The following PTDSS1 variants were observed in gnomAD, a reference collection of about 807,000 sequenced individuals.
PTDSS1 encodes phosphatidylserine synthase 1.
In PTDSS1, 45 loss-of-function variants were observed where a neutral mutation model predicts 70.5. The ratio of observed to expected loss-of-function variants is 0.64; its 90% CI spans 0.50 to 0.82. PTDSS1 has a LOEUF of 0.82. PTDSS1 is among the 40% of genes least tolerant of loss of function. The pLI, the probability that PTDSS1 is intolerant of heterozygous loss-of-function variation, is 0.00. For missense variants in PTDSS1, 417 were observed against 586.1 expected (o/e 0.71, Z 2.98); for synonymous variants, 188 against 203.8 (o/e 0.92, Z 0.66).
At chr8:96,305,130 G>C (rs917650468) in intron 7 of PTDSS1, among the ~76,000 whole-genome samples, 5 of 152,168 alleles carry the variant, frequency 3.3e-5, no homozygotes, top group African/African-American at 4.8e-5. Flanking sequence ...CCAATGTCAC[G>C]GAAAGCAGAA....
At chr8:96,304,510 A>C (rs1485273422) in intron 7 of PTDSS1, among the ~76,000 whole-genome samples, 1 of 152,214 alleles carries the variant, frequency 6.6e-6, no homozygotes, top group Non-Finnish European at 1.5e-5. Context: ...TTCAAGACCA[A>C]AGGAACAAAT....
intron 10 of PTDSS1, among the ~76,000 whole-genome samples, chr8:96,321,721 C>T (rs746979597): frequency 2.6e-5 from 4 of 152,074 alleles, no homozygotes; most frequent in South Asian, 2.1e-4. Flanking sequence ...GTATTTTTAA[C>T]GTGTCTTTTA....
chr8:96,287,336 C>G, intron 4 of PTDSS1, 190 bp downstream of exon 4: 1 of 689,042 alleles, frequency 1.5e-6, no homozygotes, highest in Admixed American at 3.0e-5. Flanking sequence ...AAAGAAAATC[C>G]TCTCATTACG....
intron 9 of PTDSS1, among the ~76,000 whole-genome samples, chr8:96,317,223 C>T (rs556350233): frequency 6.6e-6 from 1 of 152,036 alleles, no homozygotes; most frequent in Non-Finnish European, 1.5e-5. Flanking sequence ...AGCCCTTTCC[C>T]CTGATTCCTG....
intron 7 of PTDSS1, 62 bp downstream of exon 7, chr8:96,304,243 G>C: frequency 1.3e-6 from 2 of 1,520,080 alleles, no homozygotes; most frequent in African/African-American, 1.4e-5. Flanking sequence ...AACTTTTTAG[G>C]AATTTAGAGT....
chr8:96,331,828 C>G (rs1274489891), intron 12 of PTDSS1, among the ~76,000 whole-genome samples: 3 of 151,972 alleles, frequency 2.0e-5, no homozygotes, highest in Admixed American at 6.5e-5. Flanking sequence ...ATGGCAGGAT[C>G]ATTTGAGGCC....
At chr8:96,318,408 G>A (rs772594379) in intron 9 of PTDSS1, among the ~76,000 whole-genome samples, 3 of 152,068 alleles carry the variant, frequency 2.0e-5, no homozygotes, top group South Asian at 4.2e-4. Context: ...TCCGGCTTAT[G>A]GGTAGATAAT....
At chr8:96,330,171 A>G in intron 10 of PTDSS1, 42 bp from the exon 11 acceptor site, 3 of 1,550,424 alleles carry the variant, frequency 1.9e-6, no homozygotes, top group Non-Finnish European at 2.7e-6. Flanking sequence ...GTTCTGGGAA[A>G]TTGAACTTTT....
At chr8:96,277,826 C>T (rs749521155) in intron 2 of PTDSS1, among the ~76,000 whole-genome samples, 18 of 152,140 alleles carry the variant, frequency 1.2e-4, no homozygotes, top group Non-Finnish European at 2.5e-4. Flanking sequence ...ACAAAAAAGA[C>T]CTTTGACTTT....
At position 96,304,028 on chromosome 8, in the gene PTDSS1, C is replaced by G. The variant is rs1811090020; in HGVS notation, c.753-12C>G. ...TCTCTGGATTTTCACTGGAGCCATT[C>G]TCTTCTTACAGGGACATTCATACCA... On this transcript the variant is annotated splice_polypyrimidine_tract_variant and intron_variant, in intron 6 of 12. Transcript: ENST00000517309. The G allele has an allele frequency of 6.3e-7, 1 of 1,597,164 alleles. No individual in the cohort carries two copies. Among genetic ancestry groups the G allele is most frequent in the East Asian group, 2.2e-5 (1 of 44,640 alleles).
chr8:96,331,537 G>A (rs536471653), intron 12 of PTDSS1, among the ~76,000 whole-genome samples: 5 of 150,922 alleles, frequency 3.3e-5, no homozygotes, highest in Non-Finnish European at 4.4e-5. Context: ...TCAAAACCAC[G>A]GCACTCCAGT....
chr8:96,276,497 G>A (rs1810643283), intron 2 of PTDSS1, among the ~76,000 whole-genome samples: 1 of 152,156 alleles, frequency 6.6e-6, no homozygotes, highest in Non-Finnish European at 1.5e-5. Flanking sequence ...CGCACAAAGG[G>A]AGGAGGAGCC....
At position 96,269,926 on chromosome 8, in the gene PTDSS1, C is replaced by T. The variant is rs565078654; in HGVS notation, c.180-3373C>T. Among the ~76,000 whole-genome samples, 8 of 152,282 alleles carry T rather than the reference C, an allele frequency of 5.3e-5. No individual in the cohort carries two copies. In the South Asian group the frequency reaches 8.3e-4, roughly 16 times the overall value. ...AAACGTTGTGAACTCATGATAGTAA[C>T]GGACACTTTCTCTGTGCCAGGCACT... is the stretch of plus-strand genomic sequence containing the variant. On this transcript the variant is annotated intron_variant, in intron 1 of 12. Coordinates refer to ENST00000517309, the MANE Select transcript of PTDSS1 (RefSeq NM_014754.3).
chr8:96,284,288 T>C (rs1810790636), intron 3 of PTDSS1, 135 bp downstream of exon 3: 1 of 726,142 alleles, frequency 1.4e-6, no homozygotes, highest in East Asian at 2.8e-5. Flanking sequence ...ATGTTCCTAA[T>C]ATACATGTTT....
At chr8:96,319,534 A>G (rs368599135) in intron 9 of PTDSS1, among the ~76,000 whole-genome samples, 2 of 152,060 alleles carry the variant, frequency 1.3e-5, no homozygotes, top group South Asian at 4.1e-4. Flanking sequence ...ACAATCTTTT[A>G]CAGATCAAGA....
intron 10 of PTDSS1, among the ~76,000 whole-genome samples, chr8:96,329,072 T>C (rs1415803896): frequency 1.3e-5 from 2 of 152,164 alleles, no homozygotes; most frequent in African/African-American, 2.4e-5. Flanking sequence ...GAGGTGACCT[T>C]TTGGATCTAA....
At chr8:96,310,716 C>A (rs1300688124) in intron 9 of PTDSS1, among the ~76,000 whole-genome samples, 4 of 151,978 alleles carry the variant, frequency 2.6e-5, no homozygotes, top group African/African-American at 7.3e-5. Context: ...CCAAAGAGTA[C>A]TAACATACAG....
chr8:96,293,112 G>A (rs544254968), intron 4 of PTDSS1, among the ~76,000 whole-genome samples: 4 of 152,294 alleles, frequency 2.6e-5, no homozygotes, highest in South Asian at 4.1e-4. Context: ...TGCACGTTCC[G>A]TGATCTGATT....
intron 8 of PTDSS1, 160 bp from the exon 9 acceptor site, chr8:96,309,397 T>G (rs1351088918): frequency 1.8e-6 from 1 of 547,876 alleles, no homozygotes; most frequent in African/African-American, 1.9e-5. Flanking sequence ...CAGGAATGTT[T>G]TAACAGGCAC....
Sources: allele counts gnomAD v4.1 joint callset (sites outside exome capture counted in the v4.1 genomes callset), GRCh38; gene constraint gnomAD v4.1.1; transcripts MANE v1.5; gene names NCBI Gene and HGNC (gene_info 2026-07-23, HGNC 2026-07-21).